Variants in LSM1 observed in about 807,000 individuals in gnomAD.
LSM1 encodes U6 snRNA-associated Sm-like protein LSm1.
LSM1 carries 13 observed loss-of-function variants against 18.0 expected under a neutral mutation model. The ratio of observed to expected loss-of-function variants is 0.72; its 90% CI spans 0.47 to 1.15. LSM1 has a LOEUF of 1.15. Among genes scored for constraint, LSM1 ranks in the 50% most tolerant of loss-of-function variants. LSM1 has a pLI of 0.00. For missense variants in LSM1, 152 were observed against 157.7 expected, an observed-to-expected ratio of 0.96 and a Z score of 0.19; for synonymous variants, 46 against 56.0, an observed-to-expected ratio of 0.82 and a Z score of 0.80.
chr8:38,176,566 C>T, upstream of LSM1: 2 of 576,518 alleles, frequency 3.5e-6, no homozygotes, highest in South Asian at 4.7e-5. Flanking sequence ...TGGGGGACAC[C>T]CTTTCCCTGT....
rs757496594 is a variant in LSM1 at position 38,163,648 on chromosome 8, C to T, written c.*22G>A. The stretch of plus-strand genomic sequence containing the variant: ...AGTGACAGCCCCTACTCTTCAAGAG[C>T]CAACAGCCTCTGGGCAAAAGATTAG... On this transcript the variant is annotated 3_prime_UTR_variant, in exon 4 of 4. Transcript: ENST00000311351. 6.2e-7 allele frequency: 1 copy of T among 1,611,866 alleles called. No individual in the cohort carries two copies. Among genetic ancestry groups the T allele is most frequent in the Admixed American group, 1.7e-5 (1 of 59,920 alleles).
intron 2 of LSM1, chr8:38,171,027 A>T (rs1803018611): frequency 2.3e-6 from 1 of 430,720 alleles, no homozygotes; most frequent in Non-Finnish European, 4.7e-6. Flanking sequence ...AAACAGAAGG[A>T]AACATAATCT....
At chr8:38,164,130 C>G (rs1802887440) in intron 3 of LSM1, among the ~76,000 whole-genome samples, 2 of 152,200 alleles carry the variant, frequency 1.3e-5, no homozygotes, top group African/African-American at 4.8e-5. Flanking sequence ...TCTGAGCTCA[C>G]TGCAACCTCT....
In LSM1 at chr8:38,168,227, C is replaced by T. The variant is rs145699114; in HGVS notation, c.231+1575G>A. ...CCGCCCGCCTCAGCCTCCCGAAGTG[C>T]TGGGATTACAGGCGTGAGGCACCGC... On this transcript the variant is annotated intron_variant, in intron 3 of 3. Transcript: ENST00000311351. 7.3e-3 allele frequency among the ~76,000 whole-genome samples: 1,089 copies of T among 149,634 alleles called. 12 individuals carry two copies. Among genetic ancestry groups the T allele is most frequent in the Non-Finnish European group, 9.5e-3 (640 of 67,470 alleles).
At chr8:38,175,560 A>G (rs2130651208) in intron 1 of LSM1, among the ~76,000 whole-genome samples, 1 of 152,340 alleles carries the variant, frequency 6.6e-6, no homozygotes, top group African/African-American at 2.4e-5. Context: ...GAAAGCCAGA[A>G]CAACTGCAGA....
At chr8:38,170,018 T>A (rs1388372370) in intron 2 of LSM1, 101 bp from the exon 3 acceptor site, 1 of 607,932 alleles carries the variant, frequency 1.6e-6, no homozygotes, top group East Asian at 2.9e-5. Flanking sequence ...TAGGTAAACA[T>A]GATTTCCAAG....
chr8:38,170,115 C>T (rs1272263627), intron 2 of LSM1, among the ~76,000 whole-genome samples, 198 bp from the exon 3 acceptor site: 1 of 152,216 alleles, frequency 6.6e-6, no homozygotes, highest in African/African-American at 2.4e-5. Flanking sequence ...CATCTCAGCT[C>T]ACTGCAACCT....
At chr8:38,171,317 TC>T (rs1393649100) in intron 2 of LSM1, among the ~76,000 whole-genome samples, 2 of 152,104 alleles carry the variant, frequency 1.3e-5, no homozygotes, top group African/African-American at 4.8e-5. Context: ...CTTCCAGCTG[TC>T]CCCACTGATG....
chr8:38,176,640 T>A, upstream of LSM1: 1 of 574,516 alleles, frequency 1.7e-6, no homozygotes, highest in Non-Finnish European at 3.0e-6. Flanking sequence ...TACTCCCTCT[T>A]AAGGAACACG....
intron 1 of LSM1, 69 bp from the exon 2 acceptor site, chr8:38,172,102 A>G: frequency 9.0e-7 from 1 of 1,114,792 alleles, no homozygotes. Flanking sequence ...GATAATAATT[A>G]ACAGTTTAAG....
Position 38,168,903 on chromosome 8 carries a change from T to C in LSM1, c.231+899A>G, listed in dbSNP as rs570381498. ...ACCCAACCCTAGCAGAATTATCTCC[T>C]TGCTTTCTCAAATGGCTGTTAAAAA... is the stretch of plus-strand genomic sequence containing the variant. On this transcript the variant is annotated intron_variant, in intron 3 of 3. Transcript: ENST00000311351. Among the ~76,000 whole-genome samples the C allele has an allele frequency of 2.6e-5, 4 of 152,266 alleles. No homozygotes were observed. In the South Asian group the frequency reaches 8.3e-4, roughly 32 times the overall value.
At chr8:38,164,318 C>T (rs1053290006) in intron 3 of LSM1, among the ~76,000 whole-genome samples, 3 of 152,084 alleles carry the variant, frequency 2.0e-5, no homozygotes, top group African/African-American at 7.2e-5. Flanking sequence ...TCTCAAAGTG[C>T]TGGGATTATA....
At position 38,176,360 on chromosome 8, in the gene LSM1, G is replaced by A. The variant is rs745399615; in HGVS notation, c.-40C>T. On this transcript the variant is annotated 5_prime_UTR_variant, in exon 1 of 4. Transcript: ENST00000311351. ...ATGCTGCAATGCACAGCGGCGGGAG[G>A]CCAGCGCGTCCAAAACCTCTTCCCT... is the stretch of plus-strand genomic sequence containing the variant. 2.5e-6 allele frequency: 4 copies of A among 1,573,026 alleles called. No homozygotes were observed. The South Asian group carries it at 3.4e-5, about 13-fold the overall frequency.
intron 3 of LSM1, among the ~76,000 whole-genome samples, chr8:38,164,617 T>G (rs1236943728): frequency 1.3e-5 from 2 of 150,304 alleles, no homozygotes; most frequent in Non-Finnish European, 3.0e-5. Context: ...GGCCTAGGAG[T>G]TCGAGACCAG....
intron 1 of LSM1, 83 bp downstream of exon 1, chr8:38,176,192 T>C: frequency 8.2e-7 from 1 of 1,217,304 alleles, no homozygotes; most frequent in South Asian, 1.2e-5. Flanking sequence ...CGGGACTCAT[T>C]CTACAAGCTT....
chr8:38,175,291 C>T lies in LSM1; in HGVS notation c.46+984G>A, dbSNP rs560048572. ...CCATGTTGGCTAGGCTGGTCTTGAA[C>T]TCCCGACCTCAGGCGATCTGCCCGC... On this transcript the variant is annotated intron_variant, in intron 1 of 3. Coordinates refer to ENST00000311351, the MANE Select transcript of LSM1 (RefSeq NM_014462.3). Among the ~76,000 whole-genome samples, 12 of 152,098 alleles carry T rather than the reference C, an allele frequency of 7.9e-5. No individual in the cohort carries two copies. The South Asian group carries it at 8.3e-4, about 11-fold the overall frequency.
At chr8:38,169,751 C>A in intron 3 of LSM1, 51 bp downstream of exon 3, 1 of 1,069,716 alleles carries the variant, frequency 9.3e-7, no homozygotes, top group Non-Finnish European at 1.4e-6. Context: ...AAAAAGAAGT[C>A]TAACTAGCAT....
intron 3 of LSM1, among the ~76,000 whole-genome samples, chr8:38,165,703 A>G (rs1377064174): frequency 1.5e-5 from 2 of 136,728 alleles, no homozygotes; most frequent in Non-Finnish European, 3.1e-5. Context: ...TCTCAAAAGG[A>G]AAAAAAAAAA....
chr8:38,166,590 A>G (rs1011716336), intron 3 of LSM1, among the ~76,000 whole-genome samples: 2 of 152,150 alleles, frequency 1.3e-5, no homozygotes, highest in Non-Finnish European at 2.9e-5. Context: ...TTCAATGATA[A>G]AAGTTTGGGA....
Sources: gnomAD v4.1 joint callset for allele counts (sites outside exome capture counted in the v4.1 genomes callset) on GRCh38, gnomAD v4.1.1 for gene constraint, MANE v1.5 for transcripts, NCBI Gene and HGNC (gene_info 2026-07-23, HGNC 2026-07-21) for gene names.